Variants in GLI3 observed in about 807,000 individuals in gnomAD.
The protein encoded by GLI3 is transcription activator GLI3.
A neutral mutation model predicts 100.8 loss-of-function variants in GLI3; 20 were observed. The ratio of observed to expected loss-of-function variants is 0.20; its 90% CI spans 0.14 to 0.29. The LOEUF (loss-of-function observed/expected upper bound fraction) is 0.29. Among genes scored for constraint, GLI3 ranks in the 10% least tolerant of loss-of-function variants. The probability of loss-of-function intolerance (pLI) is 1.00; values close to 1 mark genes in which losing one functional copy is unlikely to be tolerated. For missense variants in GLI3, 2,040 were observed against 2,128.5 expected (o/e 0.96, Z 0.82); for synonymous variants, 938 against 860.5 (o/e 1.09, Z -1.58).
intron 4 of GLI3, among the ~76,000 whole-genome samples, chr7:42,073,547 C>T (rs17172002): frequency 0.14 from 21,507 of 152,146 alleles, 2,233 homozygotes; most frequent in African/African-American, 0.3. Context: ...TGCACCATAT[C>T]GTTGATGCCT....
chr7:42,203,834 A>G (rs1788095618), intron 2 of GLI3, among the ~76,000 whole-genome samples: 1 of 152,026 alleles, frequency 6.6e-6, no homozygotes, highest in Non-Finnish European at 1.5e-5. Context: ...CCCTGTCTCT[A>G]CTAAAGATAC....
chr7:42,109,606 C>T (rs541226464), intron 3 of GLI3, among the ~76,000 whole-genome samples: 47 of 152,292 alleles, frequency 3.1e-4, no homozygotes, highest in African/African-American at 9.9e-4. Context: ...GTGAAAATAA[C>T]GAATGAAACA....
At chr7:42,243,157 T>C (rs1445686079) in intron 1 of GLI3, among the ~76,000 whole-genome samples, 1 of 151,946 alleles carries the variant, frequency 6.6e-6, no homozygotes, top group African/African-American at 2.4e-5. Context: ...GCGAGAACTT[T>C]AGTGAACACC....
intron 3 of GLI3, among the ~76,000 whole-genome samples, chr7:42,117,244 A>G (rs1393453768): frequency 2.0e-5 from 3 of 152,184 alleles, no homozygotes; most frequent in African/African-American, 7.2e-5. Flanking sequence ...GGGGAAGGAG[A>G]AGGAAATGAT....
chr7:42,172,761 T>C, intron 2 of GLI3: 1 of 628,134 alleles, frequency 1.6e-6, no homozygotes, highest in Non-Finnish European at 2.9e-6. Context: ...TTTCATTACT[T>C]GGCTATTATC....
chr7:42,007,058 A>G (rs1434786885), intron 10 of GLI3, among the ~76,000 whole-genome samples: 6 of 152,188 alleles, frequency 3.9e-5, no homozygotes, highest in African/African-American at 7.2e-5. Flanking sequence ...AGAGCCAACA[A>G]TCTCTCAAAA....
chr7:41,988,479 G>C (rs923987479), intron 10 of GLI3, among the ~76,000 whole-genome samples: 2 of 126,022 alleles, frequency 1.6e-5, no homozygotes, highest in Non-Finnish European at 3.4e-5. Flanking sequence ...AAAAAAGGGG[G>C]GGGGGGTGGG....
intron 2 of GLI3, among the ~76,000 whole-genome samples, chr7:42,167,155 C>T (rs1206979150): frequency 6.6e-6 from 1 of 152,078 alleles, no homozygotes; most frequent in Non-Finnish European, 1.5e-5. Flanking sequence ...CCTCTGTTAG[C>T]GCTTGCCAGG....
At chr7:42,198,644 TA>T (rs1787976957) in intron 2 of GLI3, among the ~76,000 whole-genome samples, 1 of 152,190 alleles carries the variant, frequency 6.6e-6, no homozygotes, top group East Asian at 1.9e-4. Flanking sequence ...GTGACCTTCC[TA>T]AAGGTATCAA....
chr7:42,101,366 T>C (rs763486402), intron 3 of GLI3, among the ~76,000 whole-genome samples: 1 of 152,126 alleles, frequency 6.6e-6, no homozygotes, highest in Non-Finnish European at 1.5e-5. Flanking sequence ...TTTGGGAGGC[T>C]GAGGTGGGAG....
chr7:42,167,943 C>T (rs1297525039), intron 2 of GLI3, among the ~76,000 whole-genome samples: 2 of 152,176 alleles, frequency 1.3e-5, no homozygotes, highest in East Asian at 3.9e-4. Flanking sequence ...ATGCACATGG[C>T]CTGAATCCAA....
upstream of GLI3, chr7:42,238,000 G>GCCGCCGCCGCCT (rs1554343809): frequency 6.8e-6 from 1 of 146,096 alleles, no homozygotes; most frequent in Non-Finnish European, 1.3e-5. Flanking sequence ...CGCCGCCGCC[G>GCCGCCGCCGCCT]CCGCCTCCTC....
intron 1 of GLI3, among the ~76,000 whole-genome samples, chr7:42,254,269 G>A (rs1789063393): frequency 6.7e-6 from 1 of 150,218 alleles, no homozygotes; most frequent in Admixed American, 6.6e-5. Flanking sequence ...GGGCACGAAT[G>A]TAGGGTGAAA....
At chr7:42,261,976 CTCTCTT>C (rs1265130938) in intron 1 of GLI3, among the ~76,000 whole-genome samples, 2 of 46,406 alleles carry the variant, frequency 4.3e-5, no homozygotes, top group Non-Finnish European at 1.1e-4. Context: ...CTCTCTCGCT[CTCTCTT>C]TCTTTCTTTC....
At chr7:42,107,923 T>C (rs887755411) in intron 3 of GLI3, among the ~76,000 whole-genome samples, 8 of 152,182 alleles carry the variant, frequency 5.3e-5, no homozygotes, top group African/African-American at 1.9e-4. Context: ...TTTTTCCTCT[T>C]CACTGGCACA....
At chr7:41,998,226 T>C (rs1788185761) in intron 10 of GLI3, among the ~76,000 whole-genome samples, 1 of 152,098 alleles carries the variant, frequency 6.6e-6, no homozygotes, top group African/African-American at 2.4e-5. Flanking sequence ...GCTGAAGTAA[T>C]CAATATATGG....
At chr7:42,052,768 T>C (rs970216149) in intron 4 of GLI3, among the ~76,000 whole-genome samples, 2 of 152,240 alleles carry the variant, frequency 1.3e-5, no homozygotes, top group Admixed American at 6.5e-5. Context: ...CACTTATTAA[T>C]TGTTTCCACA....
rs1859844 is a variant in GLI3 at position 42,174,060 on chromosome 7, A to G, written c.125-25592T>C. ...GGTGATATTTGATTTTCTAAAAAAA[A>G]TTAAATTAAATGCAGCATGGTTTCA... On this transcript the variant is annotated intron_variant, in intron 2 of 14. Transcript: ENST00000395925. 4.6e-3 allele frequency among the ~76,000 whole-genome samples: 708 copies of G among 152,328 alleles called. 41 individuals are homozygous for G. The East Asian group carries it at 0.11, about 25-fold the overall frequency.
chr7:42,036,504 A>G (rs1789442272), intron 7 of GLI3, among the ~76,000 whole-genome samples: 1 of 152,236 alleles, frequency 6.6e-6, no homozygotes, highest in Admixed American at 6.5e-5. Flanking sequence ...AGACTACTAA[A>G]GGAGAAAGAA....
Sources: allele counts gnomAD v4.1 joint callset (sites outside exome capture counted in the v4.1 genomes callset), GRCh38; gene constraint gnomAD v4.1.1; transcripts MANE v1.5; gene names NCBI Gene and HGNC (gene_info 2026-07-23, HGNC 2026-07-21).